Variants in DCBLD1 observed in about 807,000 individuals in gnomAD.
The protein encoded by DCBLD1 is discoidin, CUB and LCCL domain-containing protein 1.
DCBLD1 carries 57 observed loss-of-function variants against 71.5 expected under a neutral mutation model. That is an observed-to-expected ratio of 0.80 (90% CI 0.64 to 0.99). DCBLD1 has a LOEUF of 0.99. Ranked by LOEUF, DCBLD1 falls within the 50% of genes least tolerant of loss-of-function variation. The pLI is 0.00. For synonymous variants in DCBLD1, 380 were observed against 363.8 expected, an observed-to-expected ratio of 1.04 and a Z score of -0.51; for missense variants, 891 against 923.5, an observed-to-expected ratio of 0.96 and a Z score of 0.46.
chr6:117,568,565 C>T (rs920154744), intron 14 of DCBLD1, among the ~76,000 whole-genome samples: 6 of 152,112 alleles, frequency 3.9e-5, no homozygotes, highest in Non-Finnish European at 4.4e-5. Context: ...AAGAGAATAG[C>T]GTAGCATTCT....
At chr6:117,482,996 G>A in intron 1 of DCBLD1, 103 bp downstream of exon 1, 2 of 972,590 alleles carry the variant, frequency 2.1e-6, no homozygotes, top group Non-Finnish European at 2.5e-6. Context: ...GGGCGGGCCG[G>A]GCCTGGGGGG....
chr6:117,490,494 A>G (rs1383378210), intron 1 of DCBLD1, among the ~76,000 whole-genome samples: 6 of 152,192 alleles, frequency 3.9e-5, no homozygotes, highest in Non-Finnish European at 1.5e-5. Context: ...TTTGTTTTAT[A>G]TTATTCAAAT....
intron 1 of DCBLD1, 21 bp from the exon 2 acceptor site, chr6:117,503,746 C>T (rs760434674): frequency 6.2e-7 from 1 of 1,612,068 alleles, no homozygotes; most frequent in African/African-American, 1.3e-5. Context: ...CTTTTATTCC[C>T]CCCTTCTTTT....
At chr6:117,511,849 G>C (rs896875374) in intron 2 of DCBLD1, among the ~76,000 whole-genome samples, 6 of 152,138 alleles carry the variant, frequency 3.9e-5, no homozygotes, top group Non-Finnish European at 8.8e-5. Context: ...GAAATTTCCA[G>C]CTCACAGAGA....
intron 4 of DCBLD1, among the ~76,000 whole-genome samples, chr6:117,523,676 A>G (rs759275813): frequency 6.6e-6 from 1 of 152,226 alleles, no homozygotes; most frequent in African/African-American, 2.4e-5. Flanking sequence ...GCTGCAATGC[A>G]GGGACTCCAA....
At chr6:117,547,678 A>C in intron 14 of DCBLD1, 1 of 869,308 alleles carries the variant, frequency 1.2e-6, no homozygotes, top group South Asian at 1.4e-5. Flanking sequence ...CGTCGCCCCC[A>C]TCTCTGAGAA....
downstream of DCBLD1, chr6:117,549,931 T>C: frequency 8.0e-6 from 7 of 874,334 alleles, no homozygotes; most frequent in Non-Finnish European, 9.6e-6. Flanking sequence ...GACCCCAATC[T>C]ACCACAGAAG....
In DCBLD1 at chr6:117,508,892, C is replaced by T. The variant is rs144261249; in HGVS notation, c.325+4913C>T. On this transcript the variant is annotated intron_variant, in intron 2 of 14. Transcript: ENST00000338728. ...GGTTGTTCTGATGGAGACTTCTAGA[C>T]GTTACCACCTGGATCAGTGTAGATC... is the stretch of plus-strand genomic sequence containing the variant. Among the ~76,000 whole-genome samples, 8 of 152,242 alleles carry T rather than the reference C, an allele frequency of 5.3e-5. No individual in the cohort carries two copies. In the East Asian group the frequency reaches 5.8e-4, roughly 11 times the overall value.
rs1012632544 is a variant in DCBLD1, at chr6:117,564,180, A to G, written c.1616-5440A>G. On this transcript the variant is annotated intron_variant, in intron 14 of 14. Coordinates refer to the DCBLD1 transcript ENST00000296955. ...TTTTTTTGAAGAGACAGGGTTCACT[A>G]TGTTGCCCAGGTTGGTAACTCCTGG... Among the ~76,000 whole-genome samples, 87 of 151,996 alleles carry G rather than the reference A, an allele frequency of 5.7e-4. 1 individual carries two copies. The highest frequency in any genetic ancestry group is 5.7e-3 in the Admixed American group (87 of 15,252).
intron 9 of DCBLD1, 186 bp from the exon 10 acceptor site, chr6:117,540,482 C>T (rs999458093): frequency 2.8e-5 from 17 of 615,608 alleles, no homozygotes; most frequent in Non-Finnish European, 4.7e-5. Flanking sequence ...TTGAGCAGCA[C>T]CACCTTAGTT....
At chr6:117,555,092 A>G (rs1455629459) in intron 14 of DCBLD1, among the ~76,000 whole-genome samples, 5 of 152,126 alleles carry the variant, frequency 3.3e-5, no homozygotes, top group Admixed American at 6.5e-5. Context: ...ATTTGTGGGG[A>G]GAGCACTTTG....
Position 117,540,945 on chromosome 6 carries a change from C to T in DCBLD1, c.1277C>T (p.Thr426Ile). Reference protein sequence around the residue: ...QGNDSLVWRKTSQSTSVSTKK... With the variant: ...QGNDSLVWRKISQSTSVSTKK... ...AATGATTCATTGGTGTGGCGCAAGA[C>T]AAGTCAAAGCACCAGTGTTTCAACT... Residue 426 changes from threonine (T) to isoleucine (I), a missense_variant, in exon 11 of 15, where the codon ACA becomes ATA. Transcript: ENST00000338728. 1 of 1,614,160 alleles carries T rather than the reference C, an allele frequency of 6.2e-7. No homozygotes were observed. The highest frequency in any genetic ancestry group is 8.5e-7 in the Non-Finnish European group (1 of 1,180,032).
In DCBLD1 at chr6:117,519,812, T is replaced by C. The variant is rs1195887502; in HGVS notation, c.326-4T>C. On this transcript the variant is annotated splice_region_variant and splice_polypyrimidine_tract_variant and intron_variant, in intron 2 of 14. Coordinates refer to ENST00000338728, the MANE Select transcript of DCBLD1 (RefSeq NM_001366458.2). ...AATGTGCCACAAGTGTGCTTTGTTTTTAGGTCCATACTGTGGAAGTATGAC... is the reference window on the plus strand; with the variant it reads ...AATGTGCCACAAGTGTGCTTTGTTTCTAGGTCCATACTGTGGAAGTATGAC... 1 of 1,602,458 alleles carries C rather than the reference T, an allele frequency of 6.2e-7. No individual in the cohort carries two copies. The highest frequency in any genetic ancestry group is 8.5e-7 in the Non-Finnish European group (1 of 1,170,324).
chr6:117,563,088 G>T, intron 14 of DCBLD1: 1 of 604,162 alleles, frequency 1.7e-6, no homozygotes, highest in Non-Finnish European at 2.9e-6. Flanking sequence ...ACAGAAAACA[G>T]GGTGTTTTAT....
At chr6:117,550,382 T>C (rs1368807804), downstream of DCBLD1, among the ~76,000 whole-genome samples, 1 of 152,186 alleles carries the variant, frequency 6.6e-6, no homozygotes, top group Non-Finnish European at 1.5e-5. Context: ...ACATCTTTCT[T>C]TTTTGGTGTT....
intron 9 of DCBLD1, chr6:117,539,653 C>T: frequency 4.5e-6 from 1 of 222,742 alleles, no homozygotes; most frequent in Non-Finnish European, 8.6e-6. Context: ...ACTTGGAAGG[C>T]TGAGGCAGGA....
intron 6 of DCBLD1, 24 bp downstream of exon 6, chr6:117,532,417 T>C (rs1778755717): frequency 6.3e-7 from 1 of 1,584,514 alleles, no homozygotes; most frequent in African/African-American, 1.4e-5. Context: ...TTCAGTATCG[T>C]TTGTTCTGAG....
chr6:117,503,857 G>A lies in DCBLD1; in HGVS notation c.203G>A (p.Cys68Tyr). ...YPGTYPNHTVCEKTITVPKGK... is the reference protein window; with the variant it reads ...YPGTYPNHTVYEKTITVPKGK... ...GGGACCTACCCCAATCACACTGTTT[G>A]CGAAAAGACAATTACAGTACCAAAG... is the stretch of plus-strand genomic sequence containing the variant. The change falls in exon 2 of 15, where the codon TGC (cysteine) becomes TAC (tyrosine). Residue 68 changes from cysteine (C) to tyrosine (Y), a missense_variant. Coordinates refer to ENST00000338728, the MANE Select transcript of DCBLD1 (RefSeq NM_001366458.2). The A allele has an allele frequency of 6.2e-7, 1 of 1,614,088 alleles. No homozygotes were observed. The highest frequency in any genetic ancestry group is 1.1e-5 in the South Asian group (1 of 91,078).
Position 117,503,805 on chromosome 6 carries a change from G to T in DCBLD1, c.151G>T (p.Gly51Cys), listed in dbSNP as rs142161029. The change falls in exon 2 of 15, where the codon GGC (glycine) becomes TGC (cysteine). Residue 51 changes from glycine to cysteine, a missense_variant. Gly to Cys is a radical substitution (Grantham distance 159). Transcript: ENST00000338728. ...ACACCTAGTGACTTATCAGGATAGTGGCACAATGACATCTAAGAATTATCC... is the reference window on the plus strand; with the variant it reads ...ACACCTAGTGACTTATCAGGATAGTTGCACAATGACATCTAAGAATTATCC... ...CGHLVTYQDS[G>C]TMTSKNYPGT... is the part of the protein sequence containing the mutation. 2.5e-5 allele frequency: 40 copies of T among 1,613,876 alleles called. No homozygotes were observed. The highest frequency in any genetic ancestry group is 1.4e-5 in the Non-Finnish European group (17 of 1,179,990).
Sources: gnomAD v4.1 joint callset for allele counts (sites outside exome capture counted in the v4.1 genomes callset) on GRCh38, gnomAD v4.1.1 for gene constraint, MANE v1.5 for transcripts, NCBI Gene and HGNC (gene_info 2026-07-23, HGNC 2026-07-21) for gene names.